Variants in P2RX5 observed in about 807,000 individuals in gnomAD.
P2RX5 encodes the protein purinergic receptor P2X 5, also known as P2X purinoceptor 5.
Under a neutral mutation model 54.1 loss-of-function variants are expected in P2RX5, and 46 were observed. The ratio of observed to expected loss-of-function variants is 0.85; its 90% CI spans 0.67 to 1.09. The LOEUF (loss-of-function observed/expected upper bound fraction) is 1.09. Ranked by LOEUF, P2RX5 falls within the 50% of genes least tolerant of loss-of-function variation. P2RX5 has a pLI of 0.00. For synonymous variants in P2RX5, 226 were observed against 226.4 expected, an observed-to-expected ratio of 1.00 and a Z score of 0.02; for missense variants, 566 against 549.8, an observed-to-expected ratio of 1.03 and a Z score of -0.29.
chr17:3,684,494 G>C (rs1277235915), intron 9 of P2RX5, among the ~76,000 whole-genome samples: 1 of 152,174 alleles, frequency 6.6e-6, no homozygotes, highest in African/African-American at 2.4e-5. Context: ...CCTGGCTAGT[G>C]GGGAGGCTGA....
chr17:3,693,201 A>G (rs536273652), intron 1 of P2RX5, among the ~76,000 whole-genome samples: 47 of 151,818 alleles, frequency 3.1e-4, no homozygotes, highest in South Asian at 1.2e-3. Flanking sequence ...GACAAACACC[A>G]TTGGTCATTA....
the P2RX5 span, among the ~76,000 whole-genome samples, chr17:3,710,164 C>T: frequency 2.6e-5 from 4 of 151,826 alleles, no homozygotes; most frequent in South Asian, 2.1e-4. Flanking sequence ...TGGCGGCTCA[C>T]GCCTGGAATC....
intron 10 of P2RX5, among the ~76,000 whole-genome samples, chr17:3,680,483 A>G (rs1160106621): frequency 4.6e-3 from 174 of 37,556 alleles, no homozygotes; most frequent in Admixed American, 6.8e-3. Flanking sequence ...TCCACCCTGC[A>G]TCCTCCACCC....
chr17:3,689,417 C>A, intron 7 of P2RX5, 75 bp downstream of exon 7: 5 of 1,569,546 alleles, frequency 3.2e-6, no homozygotes, highest in Non-Finnish European at 4.4e-6. Context: ...TCCCCGTCCA[C>A]ACCCTCCTCG....
At position 3,689,649 on chromosome 17, in the gene P2RX5, C is replaced by A; in HGVS notation, c.615-19G>T. ...ATTGCTTCTGGGTGGAGGCCATGGG[C>A]AGCCGAGAAATGAAGTAAGACTTGA... On this transcript the variant is annotated intron_variant, in intron 6 of 11. Coordinates refer to ENST00000225328, the MANE Select transcript of P2RX5 (RefSeq NM_002561.4). 6.2e-7 allele frequency: 1 copy of A among 1,614,000 alleles called. No homozygotes were observed. The highest frequency in any genetic ancestry group is 1.1e-5 in the South Asian group (1 of 91,076).
the P2RX5 span, chr17:3,717,160 CCT>C: frequency 5.4e-6 from 1 of 185,992 alleles, no homozygotes; most frequent in African/African-American, 2.4e-5. Context: ...GCTCTATGTC[CCT>C]GAGCCCCGTG....
chr17:3,695,674 A>G (rs2143002306), intron 1 of P2RX5, among the ~76,000 whole-genome samples, 195 bp downstream of exon 1: 1 of 152,206 alleles, frequency 6.6e-6, no homozygotes, highest in Non-Finnish European at 1.5e-5. Context: ...GGGGGAGTGG[A>G]GAGCCCCCTC....
intron 1 of P2RX5, among the ~76,000 whole-genome samples, chr17:3,692,779 C>A (rs1237836195): frequency 6.6e-6 from 1 of 152,140 alleles, no homozygotes; most frequent in African/African-American, 2.4e-5. Flanking sequence ...GAGGTCGAGG[C>A]TGCAGTGAGC....
At chr17:3,704,152 AT>A in the P2RX5 span, among the ~76,000 whole-genome samples, 48 of 152,280 alleles carry the variant, frequency 3.2e-4, no homozygotes, top group African/African-American at 1.1e-3. Context: ...CCCAAATCCC[AT>A]AAAATCATAT....
the P2RX5 span, chr17:3,714,636 A>G: frequency 2.3e-6 from 1 of 440,450 alleles, no homozygotes; most frequent in Non-Finnish European, 4.0e-6. Context: ...ACTGCAAAGA[A>G]AAGTGTAAAT....
chr17:3,696,202 C>G (rs1349178508), upstream of P2RX5: 3 of 400,540 alleles, frequency 7.5e-6, no homozygotes, highest in Non-Finnish European at 1.2e-5. Context: ...TTGAGAAAGC[C>G]TCGGCTGGGA....
chr17:3,713,072 CATA>C, the P2RX5 span, among the ~76,000 whole-genome samples: 8 of 152,300 alleles, frequency 5.3e-5, no homozygotes, highest in African/African-American at 1.9e-4. Flanking sequence ...GCAACAAAAG[CATA>C]ATAACAGGTC....
the P2RX5 span, chr17:3,718,060 G>A: frequency 2.0e-5 from 3 of 152,234 alleles, no homozygotes; most frequent in African/African-American, 7.2e-5. Flanking sequence ...TAGAGGTTAA[G>A]GGAGAAGCAA....
intron 11 of P2RX5, 73 bp from the exon 12 acceptor site, chr17:3,673,950 C>G: frequency 7.4e-7 from 1 of 1,358,980 alleles, no homozygotes; most frequent in Middle Eastern, 1.8e-4. Flanking sequence ...AACCAGTGCC[C>G]AGGGAGAAGG....
chr17:3,723,469 A>G, the P2RX5 span: 322 of 1,093,184 alleles, frequency 2.9e-4, no homozygotes, highest in Non-Finnish European at 3.7e-4. Flanking sequence ...AGAGCATCGT[A>G]AGGTCCCAGA....
At chr17:3,688,577 G>GT in intron 8 of P2RX5, 49 bp downstream of exon 8, 2 of 1,607,934 alleles carry the variant, frequency 1.2e-6, no homozygotes, top group East Asian at 4.5e-5. Flanking sequence ...AGATGAGTGA[G>GT]TGCCACTGAT....
chr17:3,683,525 G>A (rs537286884), intron 9 of P2RX5, among the ~76,000 whole-genome samples: 2 of 152,236 alleles, frequency 1.3e-5, no homozygotes, highest in Non-Finnish European at 2.9e-5. Context: ...GAGGTCAGGA[G>A]TTGGAGACCA....
At chr17:3,706,884 A>C in the P2RX5 span, among the ~76,000 whole-genome samples, 1 of 152,236 alleles carries the variant, frequency 6.6e-6, no homozygotes, top group Non-Finnish European at 1.5e-5. Flanking sequence ...TGCTGGGATT[A>C]CAGGCGTGCG....
chr17:3,697,227 AC>A (rs2050777654), upstream of P2RX5, among the ~76,000 whole-genome samples: 1 of 152,132 alleles, frequency 6.6e-6, no homozygotes, highest in South Asian at 2.1e-4. Flanking sequence ...GTGCGCATGT[AC>A]CAACTGTTTG....
Sources: allele counts gnomAD v4.1 joint callset (sites outside exome capture counted in the v4.1 genomes callset), GRCh38; gene constraint gnomAD v4.1.1; transcripts MANE v1.5; gene names NCBI Gene and HGNC (gene_info 2026-07-23, HGNC 2026-07-21).